ABAT: variants seen among roughly 807,000 people sequenced by gnomAD.
ABAT encodes the protein 4-aminobutyrate aminotransferase, mitochondrial.
ABAT carries 45 observed loss-of-function variants against 64.6 expected under a neutral mutation model. The observed-to-expected ratio is 0.70, with a 90% CI of 0.55 to 0.89. ABAT has a LOEUF of 0.89. Ranked by LOEUF, ABAT falls within the 40% of genes least tolerant of loss-of-function variation. The pLI is 0.00. For synonymous variants in ABAT, 297 were observed against 250.5 expected (o/e 1.19, Z -1.75); for missense variants, 633 against 658.4 (o/e 0.96, Z 0.42).
chr16:8,708,738 C>T (rs2058005300), intron 1 of ABAT, among the ~76,000 whole-genome samples: 1 of 152,216 alleles, frequency 6.6e-6, no homozygotes, highest in African/African-American at 2.4e-5. Flanking sequence ...GCTGGATAAG[C>T]TTTGGGCTTT....
chr16:8,754,610 G>A (rs1420312175), intron 5 of ABAT, among the ~76,000 whole-genome samples: 1 of 151,986 alleles, frequency 6.6e-6, no homozygotes, highest in East Asian at 1.9e-4. Context: ...ATTTCAGCTC[G>A]TTTCTCCTTG....
intron 1 of ABAT, among the ~76,000 whole-genome samples, chr16:8,689,026 G>A (rs1023716566): frequency 6.6e-6 from 1 of 151,092 alleles, no homozygotes; most frequent in Admixed American, 6.6e-5. Flanking sequence ...GTTGCAGTGA[G>A]CCGAGATTGC....
At chr16:8,744,727 G>A (rs2059280551) in intron 2 of ABAT, among the ~76,000 whole-genome samples, 1 of 151,718 alleles carries the variant, frequency 6.6e-6, no homozygotes, top group Admixed American at 6.6e-5. Context: ...AATTAGCCGG[G>A]TGTAGTGGTA....
At chr16:8,700,436 C>G (rs2057795674) in intron 1 of ABAT, among the ~76,000 whole-genome samples, 1 of 152,038 alleles carries the variant, frequency 6.6e-6, no homozygotes. Context: ...CTAGACCGTC[C>G]CCAGCCCCCA....
intron 1 of ABAT, among the ~76,000 whole-genome samples, chr16:8,692,589 C>T (rs2057608649): frequency 6.6e-6 from 1 of 152,128 alleles, no homozygotes; most frequent in African/African-American, 2.4e-5. Flanking sequence ...GCTCTTAGCA[C>T]TTGCCATGTC....
Position 8,748,151 on chromosome 16 carries a change from A to C in ABAT, c.198+14A>C, listed in dbSNP as rs1447013428. 7.4e-6 allele frequency: 12 copies of C among 1,612,032 alleles called. No individual in the cohort carries two copies. Among genetic ancestry groups the C allele is most frequent in the Non-Finnish European group, 1.0e-5 (12 of 1,178,216 alleles). On this transcript the variant is annotated intron_variant, in intron 4 of 15. Transcript: ENST00000268251. ...AATATAATTCAGGTAAGTGAGGAGGAGGTAACTTTCCTTCTGTTGCTTCTT... is the reference window on the plus strand; with the variant it reads ...AATATAATTCAGGTAAGTGAGGAGGCGGTAACTTTCCTTCTGTTGCTTCTT...
intron 1 of ABAT, among the ~76,000 whole-genome samples, chr16:8,717,188 G>T (rs189584158): frequency 6.6e-6 from 1 of 152,126 alleles, no homozygotes; most frequent in Non-Finnish European, 1.5e-5. Context: ...TACTCGGGAG[G>T]CTGAGGCAGG....
In ABAT at chr16:8,782,379, A is replaced by T. The variant is rs1408516698; in HGVS notation, c.*949A>T. 1 of 152,282 alleles carries T rather than the reference A, an allele frequency of 6.6e-6. No individual in the cohort carries two copies. The allele number at this position is 152,282 out of a possible 1,614,324, so 9.4% of individuals were successfully genotyped here. On this transcript the variant is annotated 3_prime_UTR_variant, in exon 16 of 16. Coordinates refer to ENST00000268251, the MANE Select transcript of ABAT (RefSeq NM_020686.6). ...TGACTTTTGGCTCCCTCGCCCTAAGAGGCTCTTCCTCTCTTTTGCTCATCC... is the reference window on the plus strand; with the variant it reads ...TGACTTTTGGCTCCCTCGCCCTAAGTGGCTCTTCCTCTCTTTTGCTCATCC...
At chr16:8,750,645 T>C in intron 5 of ABAT, 106 bp downstream of exon 5, 1 of 994,780 alleles carries the variant, frequency 1.0e-6, no homozygotes, top group Non-Finnish European at 1.6e-6. Flanking sequence ...CATCCCAGAG[T>C]GTTGCCTGAC....
intron 1 of ABAT, among the ~76,000 whole-genome samples, chr16:8,696,625 AAAAT>A (rs981128284): frequency 2.6e-5 from 4 of 152,310 alleles, no homozygotes; most frequent in Admixed American, 6.5e-5. Flanking sequence ...GTCTCAAAAA[AAAAT>A]AAATAGAGAA....
At chr16:8,720,669 G>A (rs1346896529) in intron 1 of ABAT, 3 of 152,406 alleles carry the variant, frequency 2.0e-5, no homozygotes, top group Middle Eastern at 3.4e-3. Context: ...GGGTTGCTAT[G>A]GCAACCCCTG....
intron 1 of ABAT, chr16:8,713,826 G>A (rs1192582147): frequency 2.2e-6 from 1 of 455,728 alleles, no homozygotes; most frequent in Admixed American, 2.3e-5. Flanking sequence ...TTTTAAGCAA[G>A]CGAGCTGAGC....
intron 2 of ABAT, among the ~76,000 whole-genome samples, chr16:8,745,574 G>T (rs1321379292): frequency 6.6e-6 from 1 of 152,048 alleles, no homozygotes; most frequent in African/African-American, 2.4e-5. Flanking sequence ...GTGCGTGCCT[G>T]TAATCCCAGG....
At chr16:8,685,033 C>T (rs1388688695) in intron 1 of ABAT, among the ~76,000 whole-genome samples, 1 of 152,056 alleles carries the variant, frequency 6.6e-6, no homozygotes, top group Non-Finnish European at 1.5e-5. Context: ...GCCTGCAATC[C>T]TAGCACTTTG....
intron 5 of ABAT, 22 bp from the exon 6 acceptor site, chr16:8,757,735 A>G (rs749945287): frequency 2.2e-5 from 36 of 1,613,554 alleles, no homozygotes; most frequent in Non-Finnish European, 3.0e-5. Context: ...TGAGGTCTCT[A>G]ACAATACTCT....
intron 1 of ABAT, among the ~76,000 whole-genome samples, chr16:8,716,845 A>G (rs1012641261): frequency 9.2e-5 from 14 of 152,234 alleles, no homozygotes; most frequent in African/African-American, 3.4e-4. Flanking sequence ...CAGCCCGCAC[A>G]GGCCAGTACA....
intron 1 of ABAT, among the ~76,000 whole-genome samples, chr16:8,690,006 T>G (rs992762339): frequency 6.6e-6 from 1 of 152,170 alleles, no homozygotes; most frequent in Non-Finnish European, 1.5e-5. Flanking sequence ...TTTAGGGTAG[T>G]TCCAAGAGCC....
intron 1 of ABAT, among the ~76,000 whole-genome samples, chr16:8,726,655 G>C (rs1358631140): frequency 6.6e-6 from 1 of 152,180 alleles, no homozygotes; most frequent in Non-Finnish European, 1.5e-5. Flanking sequence ...ACAAACATAG[G>C]AGTGCAGATA....
At chr16:8,739,102 GCACC>G (rs1480119105) in intron 2 of ABAT, among the ~76,000 whole-genome samples, 1 of 152,198 alleles carries the variant, frequency 6.6e-6, no homozygotes, top group Non-Finnish European at 1.5e-5. Flanking sequence ...AGGCTGTTGG[GCACC>G]TACTGCATGC....
Sources: allele counts gnomAD v4.1 joint callset (sites outside exome capture counted in the v4.1 genomes callset), GRCh38; gene constraint gnomAD v4.1.1; transcripts MANE v1.5; gene names NCBI Gene and HGNC (gene_info 2026-07-23, HGNC 2026-07-21).